The following IQGAP2 variants were observed in gnomAD, a reference collection of about 807,000 sequenced individuals.
IQGAP2 encodes the protein IQ motif containing GTPase activating protein 2, also known as ras GTPase-activating-like protein IQGAP2.
A neutral mutation model predicts 201.3 loss-of-function variants in IQGAP2; 173 were observed. The observed-to-expected ratio is 0.86, with a 90% CI of 0.76 to 0.98. The LOEUF is 0.98. IQGAP2 is among the 50% of genes least tolerant of loss of function. The pLI is 0.00. For missense variants in IQGAP2, 1,687 were observed against 1,864.8 expected, an observed-to-expected ratio of 0.90 and a Z score of 1.76; for synonymous variants, 675 against 673.9, an observed-to-expected ratio of 1.00 and a Z score of -0.03.
chr5:76,654,247 A>G lies in IQGAP2; in HGVS notation c.2226A>G (p.Ser742=). The G allele has an allele frequency of 2.5e-6, 4 of 1,610,122 alleles. No individual in the cohort carries two copies. Among genetic ancestry groups the G allele is most frequent in the Non-Finnish European group, 3.4e-6 (4 of 1,177,604 alleles). The change falls in exon 19 of 36, where the codon TCA becomes TCG. Residue 742 remains serine, a synonymous_variant. Coordinates refer to ENST00000274364, the MANE Select transcript of IQGAP2 (RefSeq NM_006633.5). Reference sequence around the variant, plus strand: ...CAACTGCAAGAAAGAGCTATCTTTCAAGACTACAGTATTTCAGAGATCATG... The same window carrying G: ...CAACTGCAAGAAAGAGCTATCTTTCGAGACTACAGTATTTCAGAGATCATG... ...RMATARKSYL[S]RLQYFRDHNN...
At chr5:76,417,084 G>A (rs143537821) in intron 1 of IQGAP2, among the ~76,000 whole-genome samples, 2 of 152,208 alleles carry the variant, frequency 1.3e-5, no homozygotes, top group African/African-American at 2.4e-5. Flanking sequence ...GTGGGTTTAT[G>A]TTTACCCTGT....
At chr5:76,452,941 C>T (rs1231642472) in intron 1 of IQGAP2, among the ~76,000 whole-genome samples, 2 of 131,114 alleles carry the variant, frequency 1.5e-5, no homozygotes, top group African/African-American at 2.9e-5. Flanking sequence ...GATGGAGTCT[C>T]GCTCTGTAGC....
rs189160797 is a variant in IQGAP2, at chr5:76,467,067, A to G, written c.146+5398A>G. Among the ~76,000 whole-genome samples the G allele has an allele frequency of 4.5e-3, 682 of 152,290 alleles. 7 individuals are homozygous for G. Among genetic ancestry groups the G allele is most frequent in the African/African-American group, 0.016 (648 of 41,562 alleles). ...GGAGATCGAGACCAGCCTGGGCAAC[A>G]TGGTGAAACCCCATCGCTACAAAAA... is the stretch of plus-strand genomic sequence containing the variant. On this transcript the variant is annotated intron_variant, in intron 2 of 35. Transcript: ENST00000274364.
chr5:76,650,088 C>A (rs1478491926), intron 17 of IQGAP2, among the ~76,000 whole-genome samples: 1 of 152,240 alleles, frequency 6.6e-6, no homozygotes, highest in Non-Finnish European at 1.5e-5. Flanking sequence ...CCCACAAAAC[C>A]ATTCTGCCCT....
At chr5:76,648,566 T>G (rs184415016) in intron 17 of IQGAP2, among the ~76,000 whole-genome samples, 427 of 152,280 alleles carry the variant, frequency 2.8e-3, no homozygotes, top group African/African-American at 9.0e-3. Context: ...CACACAGAAA[T>G]GACGGATGTT....
At chr5:76,561,914 A>G (rs1744400151) in intron 2 of IQGAP2, among the ~76,000 whole-genome samples, 1 of 152,190 alleles carries the variant, frequency 6.6e-6, no homozygotes. Context: ...CCCCTTTTCC[A>G]TGCCTTCCTA....
intron 13 of IQGAP2, among the ~76,000 whole-genome samples, chr5:76,612,467 C>T (rs62362044): frequency 0.25 from 38,208 of 151,750 alleles, 5,090 homozygotes; most frequent in South Asian, 0.41. Flanking sequence ...TGCACCCCCA[C>T]CTGGGTGACA....
At chr5:76,412,420 C>T (rs947428797) in intron 1 of IQGAP2, among the ~76,000 whole-genome samples, 1 of 152,254 alleles carries the variant, frequency 6.6e-6, no homozygotes, top group Non-Finnish European at 1.5e-5. Flanking sequence ...CCCGCCTTAG[C>T]CTCCTGTGTA....
Position 76,605,855 on chromosome 5 carries a change from T to C in IQGAP2, c.1233-324T>C, listed in dbSNP as rs368922896. 1.8e-4 allele frequency among the ~76,000 whole-genome samples: 28 copies of C among 152,274 alleles called. No individual in the cohort carries two copies. In the South Asian group the frequency reaches 5.0e-3, roughly 27 times the overall value. On this transcript the variant is annotated intron_variant, in intron 11 of 35. Coordinates refer to ENST00000274364, the MANE Select transcript of IQGAP2 (RefSeq NM_006633.5). Reference sequence around the variant, plus strand: ...CTGAAGACTGAGAAGAACCAAGACATACAAAGGGGAGGAAAATTAGTAACT... The same window carrying C: ...CTGAAGACTGAGAAGAACCAAGACACACAAAGGGGAGGAAAATTAGTAACT...
intron 2 of IQGAP2, among the ~76,000 whole-genome samples, chr5:76,551,516 G>T (rs576849403): frequency 0.022 from 2,515 of 111,852 alleles, 71 homozygotes; most frequent in African/African-American, 0.075. Flanking sequence ...CTGGGAGGTG[G>T]AGGTTGTAGC....
At chr5:76,478,849 C>A (rs1755601797) in intron 2 of IQGAP2, among the ~76,000 whole-genome samples, 1 of 152,194 alleles carries the variant, frequency 6.6e-6, no homozygotes, top group Admixed American at 6.5e-5. Context: ...TTAAGTGATA[C>A]ATGACCGCAC....
intron 2 of IQGAP2, among the ~76,000 whole-genome samples, chr5:76,542,569 C>A (rs1742847650): frequency 6.6e-6 from 1 of 152,234 alleles, no homozygotes; most frequent in African/African-American, 2.4e-5. Context: ...ATGACTAATA[C>A]TTCTGTTCTA....
rs964325912 is a variant in IQGAP2 at position 76,481,232 on chromosome 5, A to G, written c.146+19563A>G. On this transcript the variant is annotated intron_variant, in intron 2 of 35. Coordinates refer to ENST00000274364, the MANE Select transcript of IQGAP2 (RefSeq NM_006633.5). ...ATTGTCTCTACCGGGGCTGTCCTCT[A>G]TATAGAAATATAACAGGAGCCACAT... 2.6e-5 allele frequency among the ~76,000 whole-genome samples: 4 copies of G among 152,150 alleles called. No individual in the cohort carries two copies. In the South Asian group the frequency reaches 8.3e-4, roughly 32 times the overall value.
At position 76,562,928 on chromosome 5, in the gene IQGAP2, C is replaced by G. The variant is rs567412287; in HGVS notation, c.303+376C>G. Among the ~76,000 whole-genome samples, 10 of 152,236 alleles carry G rather than the reference C, an allele frequency of 6.6e-5. 1 individual carries two copies. Among genetic ancestry groups the G allele is most frequent in the African/African-American group, 1.9e-4 (8 of 41,530 alleles). On this transcript the variant is annotated intron_variant, in intron 3 of 35. Coordinates refer to ENST00000274364, the MANE Select transcript of IQGAP2 (RefSeq NM_006633.5). ...AATGTGATAAAACAAGTAGGAAGGTCGAATGATCAGCCAAGAATTCTTTTC... is the reference window on the plus strand; with the variant it reads ...AATGTGATAAAACAAGTAGGAAGGTGGAATGATCAGCCAAGAATTCTTTTC...
chr5:76,705,393 A>G (rs1747785414), intron 35 of IQGAP2, among the ~76,000 whole-genome samples: 1 of 152,234 alleles, frequency 6.6e-6, no homozygotes, highest in South Asian at 2.1e-4. Context: ...TCATGTTGCA[A>G]GGTCTTAAGA....
chr5:76,427,811 A>G (rs1580167635), intron 1 of IQGAP2, among the ~76,000 whole-genome samples: 1 of 152,200 alleles, frequency 6.6e-6, no homozygotes, highest in Non-Finnish European at 1.5e-5. Flanking sequence ...AAGTTGGCAC[A>G]TATGTCCAGG....
chr5:76,468,695 T>C (rs546624719), intron 2 of IQGAP2, among the ~76,000 whole-genome samples: 1 of 152,220 alleles, frequency 6.6e-6, no homozygotes, highest in African/African-American at 2.4e-5. Flanking sequence ...AGGCTCTGCA[T>C]AGTCCAGTTC....
intron 14 of IQGAP2, among the ~76,000 whole-genome samples, chr5:76,629,787 T>A (rs1482696789): frequency 1.3e-5 from 2 of 152,178 alleles, no homozygotes; most frequent in Non-Finnish European, 2.9e-5. Flanking sequence ...GTATATGGCT[T>A]AAGATGTAAA....
Position 76,468,810 on chromosome 5 carries a change from G to A in IQGAP2, c.146+7141G>A, listed in dbSNP as rs74666960. Among the ~76,000 whole-genome samples, 1,026 of 152,164 alleles carry A rather than the reference G, an allele frequency of 6.7e-3. 5 individuals are homozygous for A. Among genetic ancestry groups the A allele is most frequent in the Middle Eastern group, 0.014 (4 of 294 alleles). ...CACAGGACCTTGCCATGTGCTATTC[G>A]CTTTTCATATTCCTCTTTATCTAGT... On this transcript the variant is annotated intron_variant, in intron 2 of 35. Coordinates refer to ENST00000274364, the MANE Select transcript of IQGAP2 (RefSeq NM_006633.5).
Sources: gnomAD v4.1 joint callset for allele counts (sites outside exome capture counted in the v4.1 genomes callset) on GRCh38, gnomAD v4.1.1 for gene constraint, MANE v1.5 for transcripts, NCBI Gene and HGNC (gene_info 2026-07-23, HGNC 2026-07-21) for gene names.